SEPTIN7: variants seen among roughly 807,000 people sequenced by gnomAD.
SEPTIN7 encodes septin 7, also known as septin-7.
In SEPTIN7, 10 loss-of-function variants were observed where a neutral mutation model predicts 63.3. That is an observed-to-expected ratio of 0.16 (90% CI 0.10 to 0.27). The LOEUF (loss-of-function observed/expected upper bound fraction) is 0.27. SEPTIN7 is among the 10% of genes least tolerant of loss of function. SEPTIN7 has a pLI of 1.00. For synonymous variants in SEPTIN7, 131 were observed against 165.3 expected (o/e 0.79, Z 1.59); for missense variants, 310 against 521.0 (o/e 0.59, Z 3.94).
At chr7:35,885,936 G>A (rs1787213632) in intron 10 of SEPTIN7, 57 bp downstream of exon 10, 2 of 1,233,350 alleles carry the variant, frequency 1.6e-6, no homozygotes, top group African/African-American at 1.5e-5. Context: ...AGTAAGAGTT[G>A]GACAGATTTA....
chr7:35,884,694 T>C (rs1191404659), intron 9 of SEPTIN7, among the ~76,000 whole-genome samples: 3 of 152,212 alleles, frequency 2.0e-5, no homozygotes, highest in African/African-American at 7.2e-5. Context: ...CACAGTCTTC[T>C]TTCCTCAGTG....
At chr7:35,890,392 T>C (rs913153471) in intron 10 of SEPTIN7, 2 of 193,460 alleles carry the variant, frequency 1.0e-5, no homozygotes, top group Non-Finnish European at 2.1e-5. Flanking sequence ...TACTCTTTCA[T>C]AGAAAGGTCA....
At chr7:35,861,006 CTTCTTTCTTTT>C (rs1785476286) in intron 3 of SEPTIN7, among the ~76,000 whole-genome samples, 1 of 151,980 alleles carries the variant, frequency 6.6e-6, no homozygotes, top group Non-Finnish European at 1.5e-5. Flanking sequence ...GTTTAATTTT[CTTCTTTCTTTT>C]TTCTTTCTGC....
chr7:35,903,780 A>G (rs779108476), intron 13 of SEPTIN7, among the ~76,000 whole-genome samples: 2 of 152,184 alleles, frequency 1.3e-5, no homozygotes, highest in South Asian at 4.1e-4. Flanking sequence ...TATAAGGATT[A>G]TATAGTTTAT....
intron 3 of SEPTIN7, among the ~76,000 whole-genome samples, chr7:35,849,907 C>G (rs1259425224): frequency 2.0e-5 from 3 of 152,100 alleles, no homozygotes; most frequent in Admixed American, 1.3e-4. Flanking sequence ...GTGTTGAAGC[C>G]TGCTTTATTA....
intron 7 of SEPTIN7, among the ~76,000 whole-genome samples, chr7:35,880,364 A>G (rs1786802769): frequency 1.3e-5 from 2 of 151,490 alleles, no homozygotes; most frequent in Admixed American, 6.6e-5. Context: ...CAATAAAACA[A>G]ATTTGTACAT....
At chr7:35,833,908 C>G (rs1246643152) in intron 3 of SEPTIN7, among the ~76,000 whole-genome samples, 1 of 151,864 alleles carries the variant, frequency 6.6e-6, no homozygotes, top group Non-Finnish European at 1.5e-5. Context: ...CAGTTTTTGG[C>G]TCTTTGGAAG....
intron 1 of SEPTIN7, among the ~76,000 whole-genome samples, chr7:35,812,239 A>G (rs1788773418): frequency 6.6e-6 from 1 of 152,070 alleles, no homozygotes; most frequent in South Asian, 2.1e-4. Context: ...AGACCCACCA[A>G]AAATACTTGT....
At chr7:35,880,784 G>A (rs1786829257) in intron 7 of SEPTIN7, among the ~76,000 whole-genome samples, 1 of 152,052 alleles carries the variant, frequency 6.6e-6, no homozygotes. Context: ...GTATGACTGA[G>A]CTAGCTGGAA....
At chr7:35,808,107 G>A (rs1405359687) in intron 1 of SEPTIN7, among the ~76,000 whole-genome samples, 2 of 152,020 alleles carry the variant, frequency 1.3e-5, no homozygotes, top group Non-Finnish European at 2.9e-5. Flanking sequence ...GCAAGCCACC[G>A]CACCCAGCCT....
intron 3 of SEPTIN7, among the ~76,000 whole-genome samples, chr7:35,840,020 G>A (rs1037186486): frequency 7.2e-5 from 11 of 152,246 alleles, no homozygotes; most frequent in African/African-American, 2.6e-4. Context: ...CCTGAAGTAG[G>A]ATTATTAGAT....
chr7:35,885,252 T>A (rs966263818), intron 9 of SEPTIN7, among the ~76,000 whole-genome samples: 9 of 152,206 alleles, frequency 5.9e-5, no homozygotes, highest in African/African-American at 2.2e-4. Context: ...CCCAGCTCTC[T>A]CTATCATGCC....
rs140560106 is a variant in SEPTIN7 at position 35,866,379 on chromosome 7, C to G, written c.276+2721C>G. On this transcript the variant is annotated intron_variant, in intron 4 of 13. Coordinates refer to ENST00000350320, the MANE Select transcript of SEPTIN7 (RefSeq NM_001788.6). ...ATCTGCCCTTGGAAGCTAATAAACT[C>G]TCACAGTAGAGGGGAGTGGTCACCA... Among the ~76,000 whole-genome samples, 497 of 152,316 alleles carry G rather than the reference C, an allele frequency of 3.3e-3. 2 individuals carry two copies. The highest frequency in any genetic ancestry group is 7.1e-3 in the Admixed American group (108 of 15,300).
chr7:35,802,705 A>G (rs1172736871), intron 1 of SEPTIN7, among the ~76,000 whole-genome samples: 1 of 152,184 alleles, frequency 6.6e-6, no homozygotes, highest in African/African-American at 2.4e-5. Context: ...TGGAATCCTG[A>G]TAGACTGAAG....
chr7:35,865,088 T>C (rs1785734290), intron 4 of SEPTIN7, among the ~76,000 whole-genome samples: 1 of 152,074 alleles, frequency 6.6e-6, no homozygotes, highest in South Asian at 2.1e-4. Context: ...AATTATGCTC[T>C]AAAAACTTGT....
At chr7:35,894,773 C>T (rs1353644387) in intron 11 of SEPTIN7, among the ~76,000 whole-genome samples, 1 of 152,136 alleles carries the variant, frequency 6.6e-6, no homozygotes, top group Non-Finnish European at 1.5e-5. Context: ...TTAATTTGTT[C>T]TTTAGGAAAG....
intron 3 of SEPTIN7, among the ~76,000 whole-genome samples, chr7:35,838,040 T>C (rs554403376): frequency 6.6e-6 from 1 of 152,214 alleles, no homozygotes; most frequent in East Asian, 1.9e-4. Flanking sequence ...TCGCAAGTTA[T>C]TGTTTATTTA....
intron 3 of SEPTIN7, among the ~76,000 whole-genome samples, chr7:35,863,239 A>AT (rs35509071): frequency 0.48 from 72,915 of 151,866 alleles, 20,674 homozygotes; most frequent in Non-Finnish European, 0.62. Context: ...TCCAACTTGG[A>AT]TTTTTTAATA....
Position 35,904,880 on chromosome 7 carries a change from T to A in SEPTIN7, c.*587T>A, listed in dbSNP as rs1285797325. On this transcript the variant is annotated 3_prime_UTR_variant, in exon 14 of 14. Coordinates refer to ENST00000350320, the MANE Select transcript of SEPTIN7 (RefSeq NM_001788.6). The stretch of plus-strand genomic sequence containing the variant: ...ACAACGTCTTTTTGTTTGTTTGTTT[T>A]GGATTCTTTAAATATATATTATTCT... 1 of 152,594 alleles carries A rather than the reference T, an allele frequency of 6.6e-6. No individual in the cohort carries two copies. Among genetic ancestry groups the A allele is most frequent in the Admixed American group, 6.5e-5 (1 of 15,268 alleles). 9.5% of individuals were successfully genotyped at this position (152,594 alleles called of 1,614,324 possible). A position where few individuals can be genotyped will look rare whatever the true frequency, so the allele number is the denominator to read the frequency against.
Sources: gnomAD v4.1 joint callset for allele counts (sites outside exome capture counted in the v4.1 genomes callset) on GRCh38, gnomAD v4.1.1 for gene constraint, MANE v1.5 for transcripts, NCBI Gene and HGNC (gene_info 2026-07-23, HGNC 2026-07-21) for gene names.